TGFBI: variants seen among roughly 807,000 people sequenced by gnomAD.
The protein encoded by TGFBI is transforming growth factor-beta-induced protein ig-h3.
A neutral mutation model predicts 73.7 loss-of-function variants in TGFBI; 50 were observed. The observed-to-expected ratio is 0.68, with a 90% CI of 0.54 to 0.86. The LOEUF is 0.86. Among genes scored for constraint, TGFBI ranks in the 40% least tolerant of loss-of-function variants. The pLI is 0.00. For synonymous variants in TGFBI, 362 were observed against 360.5 expected (o/e 1.00, Z -0.05); for missense variants, 839 against 877.0 (o/e 0.96, Z 0.55).
At chr5:136,035,259 T>A (rs1751192927) in intron 2 of TGFBI, among the ~76,000 whole-genome samples, 1 of 152,176 alleles carries the variant, frequency 6.6e-6, no homozygotes. Context: ...ATATTCTTGC[T>A]GCTATGAACA....
At chr5:136,029,281 C>A in intron 1 of TGFBI, 92 bp downstream of exon 1, 6 of 1,322,012 alleles carry the variant, frequency 4.5e-6, no homozygotes, top group Non-Finnish European at 5.9e-6. Flanking sequence ...GGGCTGGGGG[C>A]GCAGGGGACA....
In TGFBI at chr5:136,060,941, G is replaced by C; in HGVS notation, c.1906+5G>C. The C allele has an allele frequency of 6.4e-7, 1 of 1,557,944 alleles. No homozygotes were observed. Among genetic ancestry groups the C allele is most frequent in the Non-Finnish European group, 8.7e-7 (1 of 1,144,944 alleles). On this transcript the variant is annotated splice_donor_5th_base_variant and intron_variant, in intron 14 of 16. Coordinates refer to ENST00000442011, the MANE Select transcript of TGFBI (RefSeq NM_000358.3). ...CCAATGTTCTGCAGCCTCCAGGTAA[G>C]TGTCGCATCCCCACTGACTCTGCAG...
Position 136,054,763 on chromosome 5 carries a change from C to T in TGFBI, c.1312C>T (p.His438Tyr), listed in dbSNP as rs148555720. 670 of 1,613,916 alleles carry T rather than the reference C, an allele frequency of 4.2e-4. 7 individuals are homozygous for T. In the East Asian group the frequency reaches 0.013, roughly 31 times the overall value. The change falls in exon 10 of 17, where the codon CAC becomes TAC. Residue 438 changes from histidine to tyrosine, a missense_variant. His to Tyr is a moderately conservative substitution (Grantham distance 83). Coordinates refer to ENST00000442011, the MANE Select transcript of TGFBI (RefSeq NM_000358.3). ...DAHTRNLLRN[H>Y]IIKDQLASKY... ...CCATACAAGGAATTTGCTTCGGAAC[C>T]ACATAATTAAAGACCAGCTGGCCTC...
rs376716614 is a variant in TGFBI at position 136,062,746 on chromosome 5, A to T, written c.2011+59A>T. On this transcript the variant is annotated intron_variant, in intron 16 of 16. Transcript: ENST00000442011. ...CCTGTTTAGGCCTTACCCCCAAGCA[A>T]GCCCAAGCCTGCCATCTGCTGTATA... 6.5e-6 allele frequency: 10 copies of T among 1,530,094 alleles called. No individual in the cohort carries two copies. In the African/African-American group the frequency reaches 1.4e-4, roughly 21 times the overall value. The allele number at this position is 1,530,094 out of a possible 1,614,324, so 94.8% of individuals were successfully genotyped here. A position where few individuals can be genotyped will look rare whatever the true frequency, so the allele number is the denominator to read the frequency against.
intron 2 of TGFBI, among the ~76,000 whole-genome samples, chr5:136,040,978 C>G (rs149311961): frequency 1.3e-5 from 2 of 152,202 alleles, no homozygotes; most frequent in African/African-American, 4.8e-5. Flanking sequence ...CACTGCCAGC[C>G]CAGAAAATTT....
intron 2 of TGFBI, among the ~76,000 whole-genome samples, chr5:136,039,966 T>C (rs1017432667): frequency 2.0e-5 from 3 of 152,242 alleles, no homozygotes; most frequent in African/African-American, 4.8e-5. Flanking sequence ...TATGATGCCC[T>C]GTATGGTTTA....
intron 7 of TGFBI, among the ~76,000 whole-genome samples, chr5:136,052,625 A>T (rs1378985067): frequency 6.6e-6 from 1 of 152,222 alleles, no homozygotes; most frequent in Non-Finnish European, 1.5e-5. Context: ...TAGGAGATGA[A>T]TGCAATTCTT....
chr5:136,054,618 T>G, intron 9 of TGFBI, 98 bp from the exon 10 acceptor site: 1 of 1,537,980 alleles, frequency 6.5e-7, no homozygotes, highest in Non-Finnish European at 9.0e-7. Flanking sequence ...GTTTCCAAAC[T>G]CAAGGAGGGA....
chr5:136,059,557 C>G (rs912979264), intron 13 of TGFBI, among the ~76,000 whole-genome samples: 16 of 152,180 alleles, frequency 1.1e-4, no homozygotes, highest in Admixed American at 9.8e-4. Context: ...TCCCACCCCC[C>G]AAACCCAGGG....
Position 136,050,311 on chromosome 5 carries a change from G to A in TGFBI, c.913+731G>A, listed in dbSNP as rs181276118. On this transcript the variant is annotated intron_variant, in intron 7 of 16. Transcript: ENST00000442011. ...TGCACCACTGCACTCCAGCCTGGGT[G>A]ACACAGCGACACTCCGTCTCAAGAA... 1.0e-2 allele frequency among the ~76,000 whole-genome samples: 1,451 copies of A among 145,226 alleles called. 13 individuals are homozygous for A. The highest frequency in any genetic ancestry group is 0.016 in the Non-Finnish European group (1,070 of 66,800).
chr5:136,059,259 A>G lies in TGFBI; in HGVS notation c.1803+45A>G, dbSNP rs753296510. 1.1e-5 allele frequency: 17 copies of G among 1,598,050 alleles called. No individual in the cohort carries two copies. In the South Asian group the frequency reaches 1.9e-4, roughly 18 times the overall value. ...AAGGCTGGCTAAATTTCCCCAGGGC[A>G]GGGCTCCAGGACATATCTCACCCCC... is the stretch of plus-strand genomic sequence containing the variant. On this transcript the variant is annotated intron_variant, in intron 13 of 16. Coordinates refer to ENST00000442011, the MANE Select transcript of TGFBI (RefSeq NM_000358.3).
chr5:136,030,252 G>C (rs1751092721), intron 1 of TGFBI, among the ~76,000 whole-genome samples: 1 of 152,156 alleles, frequency 6.6e-6, no homozygotes, highest in South Asian at 2.1e-4. Flanking sequence ...CAAGAGACTG[G>C]GCAGATCTGT....
In TGFBI at chr5:136,049,458, G is replaced by C; in HGVS notation, c.791G>C (p.Gly264Ala). 6.2e-7 allele frequency: 1 copy of C among 1,613,948 alleles called. No homozygotes were observed. The highest frequency in any genetic ancestry group is 8.5e-7 in the Non-Finnish European group (1 of 1,179,860). ...CCACAGGCTGCTGTGGCTGCATCAG[G>C]GCTCAACACGATGCTTGAAGGTAAC... The part of the protein sequence containing the change: ...ETLRAAVAAS[G>A]LNTMLEGNGQ... Residue 264 changes from glycine (G) to alanine (A), a missense_variant, in exon 7 of 17, where the codon GGG (glycine) becomes GCG (alanine). Coordinates refer to ENST00000442011, the MANE Select transcript of TGFBI (RefSeq NM_000358.3).
chr5:136,060,282 G>A (rs1168870479), intron 13 of TGFBI, among the ~76,000 whole-genome samples: 1 of 152,182 alleles, frequency 6.6e-6, no homozygotes, highest in Non-Finnish European at 1.5e-5. Flanking sequence ...ACACAAAAAA[G>A]CATTATGTAA....
chr5:136,051,597 G>A (rs1561612018), intron 7 of TGFBI, among the ~76,000 whole-genome samples: 1 of 152,190 alleles, frequency 6.6e-6, no homozygotes, highest in Non-Finnish European at 1.5e-5. Flanking sequence ...CTGCAGACTG[G>A]AAGGAAGAGG....
At chr5:136,038,008 A>T (rs1751258777) in intron 2 of TGFBI, among the ~76,000 whole-genome samples, 1 of 152,302 alleles carries the variant, frequency 6.6e-6, no homozygotes, top group South Asian at 2.1e-4. Context: ...GACCCATACT[A>T]GTGCCTCCTT....
chr5:136,055,994 T>G (rs1751623918), intron 11 of TGFBI, among the ~76,000 whole-genome samples, 178 bp downstream of exon 11: 4 of 152,150 alleles, frequency 2.6e-5, no homozygotes, highest in Non-Finnish European at 1.5e-5. Flanking sequence ...CCTTGAAAGC[T>G]TACATTGGGA....
intron 12 of TGFBI, among the ~76,000 whole-genome samples, chr5:136,058,523 T>A (rs1189476017): frequency 1.3e-5 from 2 of 152,082 alleles, no homozygotes; most frequent in Non-Finnish European, 2.9e-5. Flanking sequence ...GGAGGGAATA[T>A]CCCCCTCAGC....
chr5:136,054,910 G>A, intron 10 of TGFBI, 49 bp downstream of exon 10: 4 of 1,593,180 alleles, frequency 2.5e-6, no homozygotes, highest in East Asian at 2.2e-5. Flanking sequence ...CTTACTGTGG[G>A]ACTTGTATTA....
Sources: gnomAD v4.1 joint callset for allele counts (sites outside exome capture counted in the v4.1 genomes callset) on GRCh38, gnomAD v4.1.1 for gene constraint, MANE v1.5 for transcripts, NCBI Gene and HGNC (gene_info 2026-07-23, HGNC 2026-07-21) for gene names.